Variants in PIWIL4 observed in about 807,000 individuals in gnomAD.
PIWIL4 encodes the protein piwi like RNA-mediated gene silencing 4.
In PIWIL4, 50 loss-of-function variants were observed where a neutral mutation model predicts 100.9. That is an observed-to-expected ratio of 0.50 (90% CI 0.39 to 0.63). The LOEUF (loss-of-function observed/expected upper bound fraction) is 0.63. PIWIL4 is among the 20% of genes least tolerant of loss of function. The probability of loss-of-function intolerance (pLI) is 0.00; values close to 1 mark genes in which losing one functional copy is unlikely to be tolerated. For missense variants in PIWIL4, 887 were observed against 1,043.3 expected, an observed-to-expected ratio of 0.85 and a Z score of 2.06; for synonymous variants, 342 against 367.5, an observed-to-expected ratio of 0.93 and a Z score of 0.79.
chr11:94,617,663 A>C (rs1591807539), intron 16 of PIWIL4: 1 of 368,966 alleles, frequency 2.7e-6, no homozygotes, highest in East Asian at 5.5e-5. Context: ...CTATTGCATT[A>C]ATTTTTAATT....
chr11:94,609,932 C>CAATA (rs1416055992), intron 15 of PIWIL4, among the ~76,000 whole-genome samples: 1 of 151,934 alleles, frequency 6.6e-6, no homozygotes, highest in Non-Finnish European at 1.5e-5. Flanking sequence ...TTCAACTATA[C>CAATA]AATAGTACAT....
intron 13 of PIWIL4, among the ~76,000 whole-genome samples, 181 bp from the exon 14 acceptor site, chr11:94,607,254 GGATT>G (rs1425117932): frequency 6.6e-5 from 10 of 152,142 alleles, no homozygotes; most frequent in Admixed American, 5.2e-4. Context: ...CATTTCAAAT[GGATT>G]GATTAATTCA....
intron 5 of PIWIL4, among the ~76,000 whole-genome samples, chr11:94,584,980 C>A (rs564654353): frequency 6.6e-6 from 1 of 152,186 alleles, no homozygotes. Flanking sequence ...GCAAGAGAAT[C>A]GCTTAACCCG....
At chr11:94,606,524 A>G (rs1163149479) in intron 13 of PIWIL4, among the ~76,000 whole-genome samples, 2 of 152,202 alleles carry the variant, frequency 1.3e-5, no homozygotes, top group African/African-American at 4.8e-5. Flanking sequence ...CAGTGCGGAA[A>G]GCATCTGATA....
At chr11:94,617,855 G>A in intron 16 of PIWIL4, 99 bp from the exon 17 acceptor site, 1 of 1,345,466 alleles carries the variant, frequency 7.4e-7, no homozygotes, top group Non-Finnish European at 1.1e-6. Flanking sequence ...ACAGTGGTCT[G>A]AAATAGCAAA....
At position 94,585,545 on chromosome 11, in the gene PIWIL4, C is replaced by A. The variant is rs749480269; in HGVS notation, c.716+20C>A. 7 of 1,540,774 alleles carry A rather than the reference C, an allele frequency of 4.5e-6. No individual in the cohort carries two copies. The highest frequency in any genetic ancestry group is 3.4e-4 in the Middle Eastern group (2 of 5,874). Reference sequence around the variant, plus strand: ...GCACAAGTAGGTTTATTTATATTTTCTGTTACTCCGAAATTATTATAATGT... The same window carrying A: ...GCACAAGTAGGTTTATTTATATTTTATGTTACTCCGAAATTATTATAATGT... On this transcript the variant is annotated intron_variant, in intron 6 of 19. Transcript: ENST00000299001.
intron 4 of PIWIL4, among the ~76,000 whole-genome samples, chr11:94,581,300 G>A (rs958660431): frequency 2.0e-5 from 3 of 152,128 alleles, no homozygotes; most frequent in African/African-American, 7.2e-5. Flanking sequence ...AGAGCTTGAT[G>A]AAAGGCAAGA....
rs779043775 is a variant in PIWIL4, at chr11:94,567,584, G to C, written c.66G>C (p.Gly22=). Residue 22 remains glycine, a synonymous_variant, in exon 1 of 20, where the codon GGG becomes GGC. Coordinates refer to ENST00000299001, the MANE Select transcript of PIWIL4 (RefSeq NM_152431.3). Reference sequence around the variant, plus strand: ...GCAGCCCCAGTGCCACAGAAGTGGGGCGCATCCAAGCCTCGCCATTGGTGT... The same window carrying C: ...GCAGCCCCAGTGCCACAGAAGTGGGCCGCATCCAAGCCTCGCCATTGGTGT... ...IARSPSATEV[G]RIQASPLPRS... 2 of 1,605,662 alleles carry C rather than the reference G, an allele frequency of 1.2e-6. No individual in the cohort carries two copies. Among genetic ancestry groups the C allele is most frequent in the Admixed American group, 1.7e-5 (1 of 59,192 alleles).
intron 3 of PIWIL4, 37 bp from the exon 4 acceptor site, chr11:94,577,241 C>T (rs1948250145): frequency 2.0e-6 from 3 of 1,473,070 alleles, no homozygotes; most frequent in Non-Finnish European, 2.8e-6. Flanking sequence ...GATGTGATTT[C>T]CTGATTAAAA....
chr11:94,585,416 A>G (rs747943783), intron 5 of PIWIL4, 29 bp from the exon 6 acceptor site: 1 of 1,534,616 alleles, frequency 6.5e-7, no homozygotes, highest in Non-Finnish European at 9.0e-7. Context: ...ACTGATATTT[A>G]CCAAAAATTC....
rs1175864088 is a variant in PIWIL4, at chr11:94,567,621, A to C, written c.87+16A>C. ...CTCGCCATTGGTGTGTAGAATGCTT[A>C]TTGCGCATGGTTTCGTTTTCTCCTA... is the stretch of plus-strand genomic sequence containing the variant. On this transcript the variant is annotated intron_variant, in intron 1 of 19. Coordinates refer to ENST00000299001, the MANE Select transcript of PIWIL4 (RefSeq NM_152431.3). 3 of 1,579,536 alleles carry C rather than the reference A, an allele frequency of 1.9e-6. No individual in the cohort carries two copies. Among genetic ancestry groups the C allele is most frequent in the Admixed American group, 1.8e-5 (1 of 56,432 alleles).
At chr11:94,593,735 AG>A in intron 9 of PIWIL4, 94 bp downstream of exon 9, 1 of 1,403,688 alleles carries the variant, frequency 7.1e-7, no homozygotes. Context: ...CATGAATGCC[AG>A]GACATCGATT....
chr11:94,591,165 T>C (rs936875358), intron 8 of PIWIL4, among the ~76,000 whole-genome samples: 1 of 152,164 alleles, frequency 6.6e-6, no homozygotes, highest in African/African-American at 2.4e-5. Flanking sequence ...CACTGCATAG[T>C]TTGGCCCCCT....
chr11:94,619,260 G>A (rs190165613), intron 17 of PIWIL4, among the ~76,000 whole-genome samples: 1 of 152,152 alleles, frequency 6.6e-6, no homozygotes, highest in Admixed American at 6.5e-5. Context: ...TTCAGCATTT[G>A]GCCAGAACAT....
At chr11:94,585,164 A>G (rs1344492383) in intron 5 of PIWIL4, among the ~76,000 whole-genome samples, 1 of 152,232 alleles carries the variant, frequency 6.6e-6, no homozygotes, top group African/African-American at 2.4e-5. Flanking sequence ...GCTAACCAGA[A>G]TGTTACTACC....
intron 16 of PIWIL4, 101 bp downstream of exon 16, chr11:94,616,664 T>C: frequency 1.2e-6 from 1 of 862,910 alleles, no homozygotes; most frequent in Non-Finnish European, 1.8e-6. Flanking sequence ...GCAAACTCTC[T>C]ACACCTGTCT....
At chr11:94,573,339 G>T (rs1293195311) in intron 2 of PIWIL4, among the ~76,000 whole-genome samples, 1 of 152,184 alleles carries the variant, frequency 6.6e-6, no homozygotes, top group African/African-American at 2.4e-5. Flanking sequence ...AATAGGAGTG[G>T]TGAGAGAGGG....
chr11:94,594,339 G>A (rs554394823), intron 9 of PIWIL4, among the ~76,000 whole-genome samples: 20 of 151,544 alleles, frequency 1.3e-4, no homozygotes, highest in East Asian at 6.0e-4. Context: ...GGTGGCACGC[G>A]TCTGTAACCC....
At chr11:94,616,434 ATATT>A in intron 15 of PIWIL4, 55 bp from the exon 16 acceptor site, 1 of 1,340,070 alleles carries the variant, frequency 7.5e-7, no homozygotes, top group East Asian at 2.5e-5. Context: ...ATATTAATGA[ATATT>A]TATGGTAGAA....
Sources: gnomAD v4.1 joint callset for allele counts (sites outside exome capture counted in the v4.1 genomes callset) on GRCh38, gnomAD v4.1.1 for gene constraint, MANE v1.5 for transcripts, NCBI Gene and HGNC (gene_info 2026-07-23, HGNC 2026-07-21) for gene names.